The following FBXW7 variants were observed in gnomAD, a reference collection of about 807,000 sequenced individuals.
FBXW7 encodes the protein F-box and WD repeat domain containing 7, also known as F-box/WD repeat-containing protein 7.
FBXW7 carries 11 observed loss-of-function variants against 86.3 expected under a neutral mutation model. That is an observed-to-expected ratio of 0.13 (90% CI 0.08 to 0.21). The LOEUF (loss-of-function observed/expected upper bound fraction) is 0.21, where lower values mean the gene tolerates loss of function less well. Among genes scored for constraint, FBXW7 ranks in the 10% least tolerant of loss-of-function variants. The pLI, the probability that FBXW7 is intolerant of heterozygous loss-of-function variation, is 1.00. For synonymous variants in FBXW7, 313 were observed against 297.9 expected, an observed-to-expected ratio of 1.05 and a Z score of -0.52; for missense variants, 488 against 847.4, an observed-to-expected ratio of 0.58 and a Z score of 5.27.
chr4:152,502,025 T>C (rs933663481), intron 2 of FBXW7, among the ~76,000 whole-genome samples: 3 of 152,194 alleles, frequency 2.0e-5, no homozygotes, highest in Non-Finnish European at 4.4e-5. Context: ...CCCTTGGTAC[T>C]GTTCCTATGA....
chr4:152,521,090 T>C (rs1448563192), intron 2 of FBXW7, among the ~76,000 whole-genome samples: 2 of 152,180 alleles, frequency 1.3e-5, no homozygotes, highest in South Asian at 2.1e-4. Context: ...ACATACTATA[T>C]GTCTACAATG....
chr4:152,514,344 T>G (rs1332747290), intron 2 of FBXW7, among the ~76,000 whole-genome samples: 1 of 152,088 alleles, frequency 6.6e-6, no homozygotes, highest in African/African-American at 2.4e-5. Context: ...ATGAAACAAG[T>G]GATAAATATA....
chr4:152,398,779 G>C (rs1405567694), intron 4 of FBXW7, among the ~76,000 whole-genome samples: 3 of 151,948 alleles, frequency 2.0e-5, no homozygotes, highest in Non-Finnish European at 4.4e-5. Context: ...TCTCTCAGAA[G>C]AGAGGCCAAA....
At chr4:152,410,529 G>A (rs1234855853) in intron 4 of FBXW7, among the ~76,000 whole-genome samples, 3 of 151,168 alleles carry the variant, frequency 2.0e-5, no homozygotes, top group Admixed American at 6.6e-5. Flanking sequence ...ACACATTTTA[G>A]AAAGTAAGGT....
intron 2 of FBXW7, among the ~76,000 whole-genome samples, chr4:152,516,911 G>A (rs1310121114): frequency 1.3e-5 from 2 of 151,972 alleles, no homozygotes; most frequent in Non-Finnish European, 2.9e-5. Flanking sequence ...CTGCAGCCTC[G>A]ACCTCCTGGG....
At chr4:152,529,905 A>T (rs1339330750) in intron 2 of FBXW7, among the ~76,000 whole-genome samples, 1 of 151,876 alleles carries the variant, frequency 6.6e-6, no homozygotes, top group Non-Finnish European at 1.5e-5. Context: ...AATACAAAAA[A>T]ATTAGTCGGG....
chr4:152,489,867 G>C (rs1018032840), intron 2 of FBXW7, among the ~76,000 whole-genome samples: 1 of 152,002 alleles, frequency 6.6e-6, no homozygotes, highest in Admixed American at 6.6e-5. Context: ...CTGGGCTACA[G>C]TGAATTAGTC....
intron 2 of FBXW7, among the ~76,000 whole-genome samples, chr4:152,482,452 ATT>A (rs1318900220): frequency 6.6e-6 from 1 of 152,172 alleles, no homozygotes; most frequent in African/African-American, 2.4e-5. Flanking sequence ...TGCAATCATT[ATT>A]TCGGAGGTGG....
At chr4:152,389,624 G>A (rs1735832208) in intron 4 of FBXW7, among the ~76,000 whole-genome samples, 1 of 151,966 alleles carries the variant, frequency 6.6e-6, no homozygotes, top group Non-Finnish European at 1.5e-5. Context: ...ATGCAGGGAG[G>A]ATGCTGAGAG....
chr4:152,413,060 A>T (rs1560866672), intron 2 of FBXW7, among the ~76,000 whole-genome samples: 1 of 152,106 alleles, frequency 6.6e-6, no homozygotes, highest in African/African-American at 2.4e-5. Context: ...ACACACAAGA[A>T]ATTATGCACC....
chr4:152,410,971 A>T (rs1325256447), intron 4 of FBXW7, among the ~76,000 whole-genome samples: 4 of 152,162 alleles, frequency 2.6e-5, no homozygotes, highest in Admixed American at 2.6e-4. Context: ...CTTGATTTAC[A>T]CAAATCATGT....
At chr4:152,392,662 G>A (rs1239906694) in intron 4 of FBXW7, among the ~76,000 whole-genome samples, 1 of 152,118 alleles carries the variant, frequency 6.6e-6, no homozygotes, top group Non-Finnish European at 1.5e-5. Flanking sequence ...ACGGTGATTG[G>A]TCAGGTGACA....
At chr4:152,350,924 A>G (rs1377383219) in intron 4 of FBXW7, among the ~76,000 whole-genome samples, 1 of 152,030 alleles carries the variant, frequency 6.6e-6, no homozygotes, top group Non-Finnish European at 1.5e-5. Flanking sequence ...TATACTATAA[A>G]TATATTCAGA....
chr4:152,527,865 T>TACAC (rs149379203), intron 2 of FBXW7, among the ~76,000 whole-genome samples: 15,484 of 137,270 alleles, frequency 0.11, 1,003 homozygotes, highest in Non-Finnish European at 0.15. Context: ...AAAAATTATA[T>TACAC]ACACACACAC....
chr4:152,325,707 CTCCTA>C (rs1356060995), intron 12 of FBXW7: 1 of 276,286 alleles, frequency 3.6e-6, no homozygotes, highest in African/African-American at 2.2e-5. Context: ...CCAGGTTACT[CTCCTA>C]TGAGACTATT....
At chr4:152,438,951 C>A (rs575658354) in intron 2 of FBXW7, among the ~76,000 whole-genome samples, 2 of 152,210 alleles carry the variant, frequency 1.3e-5, no homozygotes, top group Non-Finnish European at 2.9e-5. Context: ...TTAGTTCATT[C>A]ATTCATCATT....
intron 4 of FBXW7, among the ~76,000 whole-genome samples, chr4:152,359,502 C>G (rs1339465082): frequency 6.6e-6 from 1 of 152,034 alleles, no homozygotes. Flanking sequence ...ACTTGAGAGG[C>G]TGGGGCAGGA....
At chr4:152,514,827 T>A (rs1748317697) in intron 2 of FBXW7, among the ~76,000 whole-genome samples, 1 of 152,158 alleles carries the variant, frequency 6.6e-6, no homozygotes, top group Admixed American at 6.5e-5. Flanking sequence ...AATAAACCTC[T>A]TCTCTTCATA....
intron 4 of FBXW7, among the ~76,000 whole-genome samples, chr4:152,373,911 T>C (rs1021071043): frequency 2.0e-4 from 30 of 152,068 alleles, no homozygotes; most frequent in African/African-American, 6.0e-4. Flanking sequence ...CTTACTCATG[T>C]TGATGCATGA....
Sources: allele counts gnomAD v4.1 joint callset (sites outside exome capture counted in the v4.1 genomes callset), GRCh38; gene constraint gnomAD v4.1.1; transcripts MANE v1.5; gene names NCBI Gene and HGNC (gene_info 2026-07-23, HGNC 2026-07-21).